Variants in LDB2 observed in about 807,000 individuals in gnomAD.
LDB2 encodes LIM domain binding 2.
In LDB2, 12 loss-of-function variants were observed where a neutral mutation model predicts 44.3. The ratio of observed to expected loss-of-function variants is 0.27; its 90% CI spans 0.17 to 0.44. The LOEUF is 0.44. LDB2 is among the 20% of genes least tolerant of loss of function. The pLI is 1.00. For synonymous variants in LDB2, 164 were observed against 174.8 expected (o/e 0.94, Z 0.49); for missense variants, 344 against 473.5 (o/e 0.73, Z 2.54).
chr4:16,724,486 G>A (rs1235905394), intron 2 of LDB2, among the ~76,000 whole-genome samples: 2 of 151,886 alleles, frequency 1.3e-5, no homozygotes, highest in African/African-American at 2.4e-5. Flanking sequence ...GACCTGGAAG[G>A]CAGAAACATG....
In LDB2 at chr4:16,789,311, G is replaced by A. The variant is rs1775187911; in HGVS notation, c.133-30051C>T. Among the ~76,000 whole-genome samples the A allele has an allele frequency of 2.0e-5, 3 of 152,170 alleles. No individual in the cohort carries two copies. The South Asian group carries it at 6.2e-4, about 31-fold the overall frequency. ...ATTTCCATGACAAATATTTATCAAA[G>A]GCCTACGATGAGTCAGATGTTGAAC... On this transcript the variant is annotated intron_variant, in intron 1 of 7. Coordinates refer to ENST00000304523, the MANE Select transcript of LDB2 (RefSeq NM_001290.5).
intron 5 of LDB2, among the ~76,000 whole-genome samples, chr4:16,521,384 C>A (rs1202582267): frequency 6.6e-6 from 1 of 152,076 alleles, no homozygotes; most frequent in Non-Finnish European, 1.5e-5. Context: ...ATGGCCTTTA[C>A]CCTATGTGTC....
chr4:16,594,034 T>C (rs138756694), intron 3 of LDB2, among the ~76,000 whole-genome samples: 138 of 152,268 alleles, frequency 9.1e-4, no homozygotes, highest in African/African-American at 3.2e-3. Flanking sequence ...CAATGGCTAC[T>C]GGCTTTGGAA....
At chr4:16,851,175 C>G (rs1788157604) in intron 1 of LDB2, among the ~76,000 whole-genome samples, 1 of 151,832 alleles carries the variant, frequency 6.6e-6, no homozygotes, top group Non-Finnish European at 1.5e-5. Context: ...TGTAAATACT[C>G]CACCATAACC....
intron 5 of LDB2, among the ~76,000 whole-genome samples, chr4:16,529,750 G>A (rs995897259): frequency 6.6e-5 from 10 of 152,150 alleles, no homozygotes; most frequent in African/African-American, 2.4e-4. Flanking sequence ...TGTATATGGT[G>A]TTTGAAAATC....
chr4:16,855,051 A>C (rs1789072769), intron 1 of LDB2, among the ~76,000 whole-genome samples: 1 of 152,158 alleles, frequency 6.6e-6, no homozygotes, highest in South Asian at 2.1e-4. Context: ...CAGTATACAG[A>C]AGGAAATGCC....
intron 1 of LDB2, among the ~76,000 whole-genome samples, chr4:16,802,964 G>T (rs559783286): frequency 1.3e-5 from 2 of 152,294 alleles, no homozygotes; most frequent in East Asian, 1.9e-4. Context: ...CATTCAGGGG[G>T]CTGTCACTGG....
chr4:16,757,352 T>C (rs879590989), intron 2 of LDB2, among the ~76,000 whole-genome samples: 1 of 152,170 alleles, frequency 6.6e-6, no homozygotes, highest in Non-Finnish European at 1.5e-5. Context: ...GGAAATATTT[T>C]GGCTCGGAGA....
chr4:16,641,559 A>G (rs1191969212), intron 2 of LDB2, among the ~76,000 whole-genome samples: 2 of 152,050 alleles, frequency 1.3e-5, no homozygotes, highest in African/African-American at 2.4e-5. Flanking sequence ...ATGGCAAGAG[A>G]AGGGGTGCAG....
chr4:16,814,661 G>A (rs2109897346), intron 1 of LDB2, among the ~76,000 whole-genome samples: 1 of 152,284 alleles, frequency 6.6e-6, no homozygotes, highest in Middle Eastern at 3.4e-3. Context: ...CAGAGATATT[G>A]AGAGCTTTTC....
At position 16,792,137 on chromosome 4, in the gene LDB2, T is replaced by C. The variant is rs968069376; in HGVS notation, c.133-32877A>G. On this transcript the variant is annotated intron_variant, in intron 1 of 7. Transcript: ENST00000304523. The stretch of plus-strand genomic sequence containing the variant: ...GGTGTGGATTTGAGGATTTCACATA[T>C]TGTGAGATCATTAGTGTTAACCTAA... Among the ~76,000 whole-genome samples, 3 of 152,210 alleles carry C rather than the reference T, an allele frequency of 2.0e-5. No homozygotes were observed. In the East Asian group the frequency reaches 5.8e-4, roughly 29 times the overall value.
At chr4:16,639,993 G>T (rs1734699261) in intron 2 of LDB2, among the ~76,000 whole-genome samples, 1 of 152,132 alleles carries the variant, frequency 6.6e-6, no homozygotes, top group Non-Finnish European at 1.5e-5. Context: ...TCTCACACCA[G>T]TGAAGTTAGC....
chr4:16,679,901 C>G (rs1188060435), intron 2 of LDB2, among the ~76,000 whole-genome samples: 1 of 152,154 alleles, frequency 6.6e-6, no homozygotes, highest in Admixed American at 6.5e-5. Context: ...AATGATTGTC[C>G]CTTTCTGCTC....
At chr4:16,614,638 G>T (rs1210101716) in intron 2 of LDB2, among the ~76,000 whole-genome samples, 3 of 126,418 alleles carry the variant, frequency 2.4e-5, no homozygotes, top group Admixed American at 1.6e-4. Flanking sequence ...CAAAGGATAT[G>T]AACAGATACT....
chr4:16,604,135 G>A (rs909659251), intron 2 of LDB2, among the ~76,000 whole-genome samples: 2 of 152,158 alleles, frequency 1.3e-5, no homozygotes, highest in African/African-American at 4.8e-5. Flanking sequence ...TTACAGGCAT[G>A]AGCCATAGTG....
rs1717894340 is a variant in LDB2 at position 16,502,943 on chromosome 4, G to A, written c.892-70C>T. On this transcript the variant is annotated intron_variant, in intron 7 of 7. Transcript: ENST00000304523. Reference sequence around the variant, plus strand: ...AGAAGCTCAGCTTAAAATAACAGTGGGAGGAGTCGGGGAATCTAGGACAGA... The same window carrying A: ...AGAAGCTCAGCTTAAAATAACAGTGAGAGGAGTCGGGGAATCTAGGACAGA... The A allele has an allele frequency of 2.5e-6, 4 of 1,604,470 alleles. No homozygotes were observed. The South Asian group carries it at 4.4e-5, about 18-fold the overall frequency.
intron 1 of LDB2, among the ~76,000 whole-genome samples, chr4:16,875,383 C>A (rs912507217): frequency 6.6e-6 from 1 of 151,992 alleles, no homozygotes; most frequent in African/African-American, 2.4e-5. Flanking sequence ...AAAAGCAGAT[C>A]CTGTGGCCTA....
At chr4:16,731,396 G>C (rs992332608) in intron 2 of LDB2, among the ~76,000 whole-genome samples, 1 of 152,156 alleles carries the variant, frequency 6.6e-6, no homozygotes, top group South Asian at 2.1e-4. Flanking sequence ...ATTTGGAAAC[G>C]GGGCCTTTGG....
intron 1 of LDB2, among the ~76,000 whole-genome samples, chr4:16,792,236 A>G (rs930062899): frequency 2.6e-5 from 4 of 152,180 alleles, no homozygotes; most frequent in Non-Finnish European, 5.9e-5. Flanking sequence ...TTAGATTCAT[A>G]TTTTAGTCTG....
Sources: allele counts gnomAD v4.1 joint callset (sites outside exome capture counted in the v4.1 genomes callset), GRCh38; gene constraint gnomAD v4.1.1; transcripts MANE v1.5; gene names NCBI Gene and HGNC (gene_info 2026-07-23, HGNC 2026-07-21).